Variants in SMTNL2 observed in about 807,000 individuals in gnomAD.
SMTNL2 encodes the protein smoothelin-like protein 2.
In SMTNL2, 43 loss-of-function variants were observed where a neutral mutation model predicts 44.1. That is an observed-to-expected ratio of 0.98 (90% CI 0.76 to 1.26). The LOEUF is 1.26. Among genes scored for constraint, SMTNL2 ranks in the 50% most tolerant of loss-of-function variants. The probability of loss-of-function intolerance (pLI) is 0.00; values close to 1 mark genes in which losing one functional copy is unlikely to be tolerated. For missense variants in SMTNL2, 646 were observed against 670.2 expected, an observed-to-expected ratio of 0.96 and a Z score of 0.40; for synonymous variants, 317 against 287.6, an observed-to-expected ratio of 1.10 and a Z score of -1.03.
At chr17:4,596,704 C>T (rs571766001) in intron 5 of SMTNL2, among the ~76,000 whole-genome samples, 156 bp from the exon 6 acceptor site, 83 of 152,304 alleles carry the variant, frequency 5.4e-4, no homozygotes, top group African/African-American at 1.9e-3. Flanking sequence ...GTGGGCACAG[C>T]TGAGCCCACG....
Position 4,598,460 on chromosome 17 carries a change from G to T in SMTNL2, c.1259+1137G>T, listed in dbSNP as rs900847200. Among the ~76,000 whole-genome samples, 5 of 152,200 alleles carry T rather than the reference G, an allele frequency of 3.3e-5. No individual in the cohort carries two copies. Among genetic ancestry groups the T allele is most frequent in the Non-Finnish European group, 7.3e-5 (5 of 68,030 alleles). On this transcript the variant is annotated intron_variant, in intron 7 of 7. Coordinates refer to ENST00000389313, the MANE Select transcript of SMTNL2 (RefSeq NM_001114974.2). The surrounding 1 kb of genome is among the most constrained non-coding windows in gnomAD (Gnocchi z 4.8). The stretch of plus-strand genomic sequence containing the variant: ...TCTCCCTGCCTTTGTGCCTTGTGTT[G>T]TCAGCCTCTGACGTCGGTCTACAAC...
At position 4,598,824 on chromosome 17, in the gene SMTNL2, T is replaced by TAA. The variant is rs34958438; in HGVS notation, c.1259+1515_1259+1516dup. 7.2e-6 allele frequency among the ~76,000 whole-genome samples: 1 copy of TAA among 138,800 alleles called. No homozygotes were observed. The allele number at this position is 138,800 out of a possible 152,430, so 91.1% of individuals were successfully genotyped here. ...GGGTGGCAGAGTGAGACGCCATCTC[T>TAA]AAAAAAAAAAAAAAAGTGGTCCTCA... On this transcript the variant is annotated intron_variant, in intron 7 of 7. Transcript: ENST00000389313. This position sits in a 1 kb window ranked among gnomAD's most constrained non-coding sequence, Gnocchi z 4.8.
intron 7 of SMTNL2, among the ~76,000 whole-genome samples, chr17:4,604,051 G>A (rs1910159872): frequency 6.6e-6 from 1 of 152,144 alleles, no homozygotes; most frequent in Non-Finnish European, 1.5e-5. Flanking sequence ...CACCATGTTA[G>A]CCAGGATGGT....
At chr17:4,602,291 T>C (rs1910071631) in intron 7 of SMTNL2, among the ~76,000 whole-genome samples, 2 of 144,848 alleles carry the variant, frequency 1.4e-5, no homozygotes, top group South Asian at 4.4e-4. Context: ...GCAGGGACAA[T>C]CTGGGGTGGA....
Position 4,584,670 on chromosome 17 carries a change from C to T in SMTNL2, c.65C>T (p.Ala22Val). ...TVREALGRYE[A>V]ALEGAVRALH... ...CGCGAGGCGCTGGGCCGCTACGAGG[C>T]GGCGCTGGAGGGTGCGGTGCGCGCG... The change falls in exon 1 of 8, where the codon GCG becomes GTG. Residue 22 changes from alanine to valine, a missense_variant. Coordinates refer to ENST00000389313, the MANE Select transcript of SMTNL2 (RefSeq NM_001114974.2). 7.8e-7 allele frequency: 1 copy of T among 1,276,474 alleles called. No homozygotes were observed. The highest frequency in any genetic ancestry group is 9.9e-7 in the Non-Finnish European group (1 of 1,015,030). 79.1% of individuals were successfully genotyped at this position (1,276,474 alleles called of 1,614,324 possible).
At chr17:4,588,889 T>C (rs534900689) in intron 1 of SMTNL2, among the ~76,000 whole-genome samples, 1 of 152,296 alleles carries the variant, frequency 6.6e-6, no homozygotes, top group East Asian at 1.9e-4. Flanking sequence ...GGTTTAGGGG[T>C]TCCCCCTGCC....
intron 1 of SMTNL2, among the ~76,000 whole-genome samples, chr17:4,587,056 C>G (rs527284129): frequency 1.3e-5 from 2 of 152,120 alleles, no homozygotes; most frequent in African/African-American, 2.4e-5. Context: ...AAAACCAGAC[C>G]GGGGAACTGC....
Position 4,584,997 on chromosome 17 carries a change from G to A in SMTNL2, c.392G>A (p.Arg131His). Reference sequence around the variant, plus strand: ...CACGCCACCTTCTCGCTGTCCGGCCGCGGCCAGGTGAGCCCGGGGGAGCGC... The same window carrying A: ...CACGCCACCTTCTCGCTGTCCGGCCACGGCCAGGTGAGCCCGGGGGAGCGC... ...ASHATFSLSG[R>H]GQSLDHDEAS... is the part of the protein sequence containing the mutation. Residue 131 changes from arginine (R) to histidine (H), a missense_variant, in exon 1 of 8, where the codon CGC becomes CAC. Physicochemically the swap from Arg to His is conservative, Grantham distance 29. Transcript: ENST00000389313. 7.4e-7 allele frequency: 1 copy of A among 1,357,948 alleles called. No homozygotes were observed. Among genetic ancestry groups the A allele is most frequent in the Non-Finnish European group, 9.5e-7 (1 of 1,058,080 alleles). The allele number at this position is 1,357,948 out of a possible 1,614,324, so 84.1% of individuals were successfully genotyped here.
chr17:4,604,373 A>T (rs1010253831), intron 7 of SMTNL2, among the ~76,000 whole-genome samples: 5 of 152,194 alleles, frequency 3.3e-5, no homozygotes, highest in African/African-American at 1.2e-4. Flanking sequence ...TCCAGGACAG[A>T]TGCCTCCATT....
At position 4,592,925 on chromosome 17, in the gene SMTNL2, C is replaced by A; in HGVS notation, c.488-4C>A. ...CACCCACCCATGCTGGTCACATGTT[C>A]CAGGTCCAGGCGATGGACCCCCTGA... On this transcript the variant is annotated splice_region_variant and splice_polypyrimidine_tract_variant and intron_variant, in intron 2 of 7. Transcript: ENST00000389313. This position sits in a 1 kb window ranked among gnomAD's most constrained non-coding sequence, Gnocchi z 4.5. The A allele has an allele frequency of 6.2e-7, 1 of 1,608,660 alleles. No homozygotes were observed. The highest frequency in any genetic ancestry group is 8.5e-7 in the Non-Finnish European group (1 of 1,176,158).
At chr17:4,593,367 G>A (rs899446) in intron 3 of SMTNL2, among the ~76,000 whole-genome samples, 196 bp downstream of exon 3, 31,561 of 152,262 alleles carry the variant, frequency 0.21, 3,897 homozygotes, top group Non-Finnish European at 0.28. Flanking sequence ...GTGAAATAGC[G>A]TCATCCCCTG....
At chr17:4,605,525 T>G (rs1408452643) in intron 7 of SMTNL2, among the ~76,000 whole-genome samples, 1 of 152,156 alleles carries the variant, frequency 6.6e-6, no homozygotes, top group Non-Finnish European at 1.5e-5. Flanking sequence ...TTGCATGGGT[T>G]TATAATTTTC....
In SMTNL2 at chr17:4,593,035, G is replaced by A. The variant is rs766279744; in HGVS notation, c.594G>A (p.Thr198=). Residue 198 remains threonine (T), a synonymous_variant, in exon 3 of 8, where the codon ACG becomes ACA. Transcript: ENST00000389313. The part of the protein sequence containing the change: ...LSLRLPHQPV[T]AITRVSDRFS... ...TGCGGCTGCCCCACCAGCCAGTCACGGCCATCACCCGAGTCTCTGACAGGT... is the reference window on the plus strand; with the variant it reads ...TGCGGCTGCCCCACCAGCCAGTCACAGCCATCACCCGAGTCTCTGACAGGT... 56 of 1,613,898 alleles carry A rather than the reference G, an allele frequency of 3.5e-5. No homozygotes were observed. The highest frequency in any genetic ancestry group is 2.9e-4 in the East Asian group (13 of 44,894).
Position 4,589,938 on chromosome 17 carries a change from C to CTTTTTTTTTTTTTTTTT in SMTNL2, c.400-2393_400-2377dup, listed in dbSNP as rs780984262. Among the ~76,000 whole-genome samples, 6 of 59,792 alleles carry CTTTTTTTTTTTTTTTTT rather than the reference C, an allele frequency of 1.0e-4. 1 individual carries two copies. The highest frequency in any genetic ancestry group is 9.1e-5 in the Non-Finnish European group (3 of 33,060). 39.2% of individuals were successfully genotyped at this position (59,792 alleles called of 152,430 possible). Reference sequence around the variant, plus strand: ...CCAGGCTGCCTTTGGACGCACCTGGCTTTTTTTTTTTTTTTTTTTTTTTTT... The same window carrying CTTTTTTTTTTTTTTTTT: ...CCAGGCTGCCTTTGGACGCACCTGGCTTTTTTTTTTTTTTTTTTTTTTTTTTTTTTTTTTTTTTTTTT... On this transcript the variant is annotated intron_variant, in intron 1 of 7. Coordinates refer to ENST00000389313, the MANE Select transcript of SMTNL2 (RefSeq NM_001114974.2).
chr17:4,602,794 C>T (rs1226478070), intron 7 of SMTNL2, among the ~76,000 whole-genome samples: 2 of 152,082 alleles, frequency 1.3e-5, no homozygotes, highest in Admixed American at 6.6e-5. Context: ...TGGAGCTCCC[C>T]AGGAAAAGAA....
At chr17:4,603,977 T>C (rs1182473211) in intron 7 of SMTNL2, among the ~76,000 whole-genome samples, 1 of 152,120 alleles carries the variant, frequency 6.6e-6, no homozygotes, top group African/African-American at 2.4e-5. Context: ...CCCGAGTAGC[T>C]GGGACTGCAG....
intron 1 of SMTNL2, among the ~76,000 whole-genome samples, chr17:4,591,015 G>T (rs1451273352): frequency 6.6e-6 from 1 of 152,176 alleles, no homozygotes; most frequent in African/African-American, 2.4e-5. Context: ...TAATCACTCT[G>T]CTGGGAGTGC....
At chr17:4,606,122 T>A (rs1175629296) in intron 7 of SMTNL2, among the ~76,000 whole-genome samples, 1 of 150,328 alleles carries the variant, frequency 6.7e-6, no homozygotes, top group African/African-American at 2.5e-5. Flanking sequence ...GTTTAAGCAA[T>A]CTCTTTTTTT....
chr17:4,599,190 G>GC (rs2150524100), intron 7 of SMTNL2, among the ~76,000 whole-genome samples: 1 of 152,302 alleles, frequency 6.6e-6, no homozygotes, highest in African/African-American at 2.4e-5. Flanking sequence ...CTTGGACTCA[G>GC]CCCCCTGGGG....
Sources: gnomAD v4.1 joint callset for allele counts (sites outside exome capture counted in the v4.1 genomes callset) on GRCh38, gnomAD v4.1.1 for gene constraint, Gnocchi (gnomAD v3.1) non-coding constraint, MANE v1.5 for transcripts, NCBI Gene and HGNC (gene_info 2026-07-23, HGNC 2026-07-21) for gene names.